The following CASP5 variants were observed in gnomAD, a reference collection of about 807,000 sequenced individuals.
CASP5 encodes caspase 5.
Under a neutral mutation model 45.2 loss-of-function variants are expected in CASP5, and 42 were observed. The ratio of observed to expected loss-of-function variants is 0.93; its 90% CI spans 0.73 to 1.20. The LOEUF (loss-of-function observed/expected upper bound fraction) is 1.20, where lower values mean the gene tolerates loss of function less well. CASP5 is among the 50% of genes most tolerant of loss of function. The pLI is 0.00. For missense variants in CASP5, 512 were observed against 532.2 expected (o/e 0.96, Z 0.37); for synonymous variants, 209 against 186.2 (o/e 1.12, Z -1.00).
chr11:105,014,088 C>T (rs932106785), intron 1 of CASP5, among the ~76,000 whole-genome samples: 1 of 152,094 alleles, frequency 6.6e-6, no homozygotes, highest in Admixed American at 6.5e-5. Flanking sequence ...AAGAGTGTTC[C>T]TATATCTAGA....
At chr11:105,014,808 A>G (rs572980) in intron 1 of CASP5, among the ~76,000 whole-genome samples, 32,017 of 152,108 alleles carry the variant, frequency 0.21, 3,776 homozygotes, top group African/African-American at 0.29. Context: ...ATGCAAATAC[A>G]TCAAATAAAA....
chr11:105,016,785 G>A (rs1382890123), intron 1 of CASP5, among the ~76,000 whole-genome samples: 1 of 148,842 alleles, frequency 6.7e-6, no homozygotes, highest in Admixed American at 6.7e-5. Flanking sequence ...CAGGAAGCTC[G>A]AACTGGGTGG....
At chr11:105,011,839 A>G (rs1301497719) in intron 1 of CASP5, among the ~76,000 whole-genome samples, 1 of 151,786 alleles carries the variant, frequency 6.6e-6, no homozygotes, top group Non-Finnish European at 1.5e-5. Context: ...GAATTGGAAA[A>G]TATTACATTA....
intron 1 of CASP5, among the ~76,000 whole-genome samples, chr11:105,017,808 C>T (rs1343484240): frequency 1.3e-5 from 2 of 151,732 alleles, no homozygotes; most frequent in African/African-American, 4.8e-5. Flanking sequence ...ACAGAGAATG[C>T]CACAAAGATA....
chr11:104,995,705 A>G (rs1398452667), intron 9 of CASP5, 35 bp downstream of exon 9: 4 of 1,389,994 alleles, frequency 2.9e-6, no homozygotes, highest in Non-Finnish European at 4.1e-6. Context: ...TAGCTCTTTC[A>G]TTTATTTCAC....
Position 105,019,092 on chromosome 11 carries a change from G to C in CASP5, c.7+4038C>G, listed in dbSNP as rs1016514949. Among the ~76,000 whole-genome samples, 3 of 149,430 alleles carry C rather than the reference G, an allele frequency of 2.0e-5. No individual in the cohort carries two copies. In the Admixed American group the frequency reaches 2.1e-4, roughly 10 times the overall value. On this transcript the variant is annotated intron_variant, in intron 1 of 9. Coordinates refer to ENST00000260315, the MANE Select transcript of CASP5 (RefSeq NM_004347.5). ...ATGAAATGAAGGCAGAAATAAAGAT[G>C]TTCTTTGAAACCAACGAGAACAAAG...
chr11:105,010,422 C>T (rs1388817960), intron 1 of CASP5, among the ~76,000 whole-genome samples: 3 of 133,148 alleles, frequency 2.3e-5, no homozygotes, highest in East Asian at 3.9e-4. Flanking sequence ...TATTATTATA[C>T]TCATATAATA....
intron 1 of CASP5, among the ~76,000 whole-genome samples, chr11:105,016,543 T>G (rs967705072): frequency 1.4e-4 from 21 of 152,000 alleles, no homozygotes; most frequent in Non-Finnish European, 1.3e-4. Flanking sequence ...AAGAAAGGGG[T>G]GACACACGGC....
chr11:105,017,315 T>C (rs1862674102), intron 1 of CASP5, among the ~76,000 whole-genome samples: 1 of 152,158 alleles, frequency 6.6e-6, no homozygotes, highest in Non-Finnish European at 1.5e-5. Context: ...GAGAATGACT[T>C]TGACAAGCTG....
chr11:105,002,249 C>T, intron 4 of CASP5, 48 bp from the exon 5 acceptor site: 2 of 1,593,956 alleles, frequency 1.3e-6, no homozygotes, highest in Non-Finnish European at 1.7e-6. Flanking sequence ...AGTCTCTTTT[C>T]AACCCCCATA....
intron 1 of CASP5, among the ~76,000 whole-genome samples, chr11:105,015,038 G>C (rs567386635): frequency 2.6e-5 from 4 of 152,316 alleles, no homozygotes; most frequent in African/African-American, 9.6e-5. Flanking sequence ...TAATCAGGAA[G>C]CTGGGCTAGC....
chr11:104,996,269 C>T (rs1341112786), intron 8 of CASP5, among the ~76,000 whole-genome samples: 1 of 152,132 alleles, frequency 6.6e-6, no homozygotes, highest in Non-Finnish European at 1.5e-5. Context: ...AACTTTCATG[C>T]CCACACCACC....
rs936640771 is a variant in CASP5, at chr11:105,002,201, T to G, written c.544A>C (p.Ile182Leu). 2 of 1,613,434 alleles carry G rather than the reference T, an allele frequency of 1.2e-6. No homozygotes were observed. Among genetic ancestry groups the G allele is most frequent in the East Asian group, 4.5e-5 (2 of 44,868 alleles). ...TCCTCTCTCTTTTTTATTGGATAGA[T>G]CTGCAGGAGATGGAGATGAAGCAAC... is the stretch of plus-strand genomic sequence containing the variant. ...LRLCKKNHDEIYPIKKREDRR... is the reference protein window; with the variant it reads ...LRLCKKNHDELYPIKKREDRR... Residue 182 changes from isoleucine to leucine, a missense_variant and splice_region_variant, in exon 5 of 10, where the codon ATC becomes CTC. By Grantham distance (5) the Ile-to-Leu change is conservative (BLOSUM62 2). Coordinates refer to ENST00000260315, the MANE Select transcript of CASP5 (RefSeq NM_004347.5).
intron 1 of CASP5, among the ~76,000 whole-genome samples, chr11:105,020,895 C>T (rs969329634): frequency 6.6e-6 from 1 of 152,074 alleles, no homozygotes; most frequent in African/African-American, 2.4e-5. Flanking sequence ...ATCACACTAC[C>T]TGACTTCAAA....
intron 9 of CASP5, among the ~76,000 whole-genome samples, chr11:104,994,682 T>A (rs1349122754): frequency 1.3e-5 from 2 of 152,226 alleles, no homozygotes; most frequent in East Asian, 3.9e-4. Context: ...GTTCCCTCAC[T>A]TGCATTCTCT....
intron 4 of CASP5, among the ~76,000 whole-genome samples, chr11:105,002,810 T>C (rs1861806571): frequency 2.0e-5 from 3 of 152,170 alleles, no homozygotes; most frequent in African/African-American, 7.2e-5. Flanking sequence ...AGCACTGGTA[T>C]TTGTTTGAAG....
In CASP5 at chr11:104,996,437, G is replaced by T. The variant is rs1183724982; in HGVS notation, c.1207-595C>A. On this transcript the variant is annotated intron_variant, in intron 8 of 9. Transcript: ENST00000260315. ...TTAACTTCCCAGTTCTCTATTCACAGAAACCCCATCTCAATTTATGGTACA... is the reference window on the plus strand; with the variant it reads ...TTAACTTCCCAGTTCTCTATTCACATAAACCCCATCTCAATTTATGGTACA... Among the ~76,000 whole-genome samples, 8 of 152,228 alleles carry T rather than the reference G, an allele frequency of 5.3e-5. No homozygotes were observed. In the South Asian group the frequency reaches 1.7e-3, roughly 32 times the overall value.
intron 1 of CASP5, 24 bp from the exon 2 acceptor site, chr11:105,009,004 T>A: frequency 6.2e-7 from 1 of 1,609,486 alleles, no homozygotes; most frequent in South Asian, 1.1e-5. Context: ...AAAGACTCCT[T>A]CAACTCTGGG....
At chr11:105,013,081 C>T (rs1422741934) in intron 1 of CASP5, among the ~76,000 whole-genome samples, 1 of 151,818 alleles carries the variant, frequency 6.6e-6, no homozygotes, top group Non-Finnish European at 1.5e-5. Flanking sequence ...CAGTATTCAG[C>T]TTTAGAAAAA....
Sources: gnomAD v4.1 joint callset for allele counts (sites outside exome capture counted in the v4.1 genomes callset) on GRCh38, gnomAD v4.1.1 for gene constraint, MANE v1.5 for transcripts, NCBI Gene and HGNC (gene_info 2026-07-23, HGNC 2026-07-21) for gene names.